CC2D2A: variants seen among roughly 807,000 people sequenced by gnomAD.
CC2D2A encodes the protein coiled-coil and C2 domain containing 2A.
CC2D2A carries 155 observed loss-of-function variants against 212.9 expected under a neutral mutation model. That is an observed-to-expected ratio of 0.73 (90% CI 0.64 to 0.83). The LOEUF (loss-of-function observed/expected upper bound fraction) is 0.83. Among genes scored for constraint, CC2D2A ranks in the 40% least tolerant of loss-of-function variants. The pLI is 0.00. For missense variants in CC2D2A, 1,856 were observed against 1,956.2 expected (o/e 0.95, Z 0.97); for synonymous variants, 667 against 686.5 (o/e 0.97, Z 0.44).
intron 8 of CC2D2A, among the ~76,000 whole-genome samples, chr4:15,511,853 A>G (rs763645727): frequency 2.6e-5 from 4 of 152,200 alleles, no homozygotes; most frequent in African/African-American, 9.7e-5. Context: ...AAATTCTGCA[A>G]CTGTGGGTGG....
chr4:15,519,564 G>A (rs759808135), intron 11 of CC2D2A: 1 of 444,362 alleles, frequency 2.3e-6, no homozygotes, highest in Non-Finnish European at 4.5e-6. Flanking sequence ...TGCTGATAAA[G>A]ACATACCCAA....
intron 17 of CC2D2A, among the ~76,000 whole-genome samples, chr4:15,547,956 A>G (rs544400056): frequency 6.6e-6 from 1 of 152,168 alleles, no homozygotes; most frequent in South Asian, 2.1e-4. Context: ...GGAGAATTGC[A>G]TGAACTCAGG....
intron 4 of CC2D2A, among the ~76,000 whole-genome samples, chr4:15,489,317 G>T (rs1273639192): frequency 6.6e-6 from 1 of 152,142 alleles, no homozygotes; most frequent in Admixed American, 6.5e-5. Context: ...GAGGGGAGCT[G>T]CCTGAAGGAG....
At chr4:15,580,231 GCCATTTTAATTA>G in intron 30 of CC2D2A, 60 bp downstream of exon 30, 1 of 1,259,782 alleles carries the variant, frequency 7.9e-7, no homozygotes. Flanking sequence ...TCAATATATT[GCCATTTTAATTA>G]CCATATTTCA....
Position 15,556,784 on chromosome 4 carries a change from T to C in CC2D2A, c.2626-520T>C, listed in dbSNP as rs370673067. ...ATGCACAGGGGCCTTGGAGGCTGGC[T>C]GGGCTGGATCCATCTCTGGCTAACT... On this transcript the variant is annotated intron_variant, in intron 20 of 36. Transcript: ENST00000424120. Among the ~76,000 whole-genome samples the C allele has an allele frequency of 1.3e-3, 201 of 152,322 alleles. 2 individuals are homozygous for C. Among genetic ancestry groups the C allele is most frequent in the African/African-American group, 4.6e-3 (191 of 41,574 alleles).
chr4:15,493,688 T>C (rs545727778), intron 4 of CC2D2A, among the ~76,000 whole-genome samples: 6 of 152,346 alleles, frequency 3.9e-5, no homozygotes, highest in South Asian at 2.1e-4. Context: ...CAGAACTTAT[T>C]TGTGGTCTAT....
intron 23 of CC2D2A, 44 bp downstream of exon 23, chr4:15,560,666 ATTAT>A: frequency 2.4e-6 from 2 of 827,512 alleles, no homozygotes; most frequent in Non-Finnish European, 3.8e-6. Flanking sequence ...TATAAAAATT[ATTAT>A]TTATACTCTA....
intron 4 of CC2D2A, among the ~76,000 whole-genome samples, chr4:15,496,304 C>T (rs1715609316): frequency 6.6e-6 from 1 of 152,062 alleles, no homozygotes; most frequent in Admixed American, 6.6e-5. Context: ...GAAGTCTTTG[C>T]CAGGGCCAGT....
chr4:15,530,999 C>G (rs1717820958), intron 13 of CC2D2A, among the ~76,000 whole-genome samples: 1 of 152,186 alleles, frequency 6.6e-6, no homozygotes, highest in South Asian at 2.1e-4. Flanking sequence ...TTTACTTAAC[C>G]TCTCTGTAGG....
Position 15,553,180 on chromosome 4 carries a change from T to C in CC2D2A, c.2361T>C (p.Ala787=). 1 of 1,604,168 alleles carries C rather than the reference T, an allele frequency of 6.2e-7. No individual in the cohort carries two copies. Among genetic ancestry groups the C allele is most frequent in the Non-Finnish European group, 8.5e-7 (1 of 1,176,546 alleles). ...CAGGAGTGCCCTTCTCATTTGAAGC[T>C]GATGGCAGTAACCAGCTGACTCTGA... ...VGSGVPFSFE[A]DGSNQLTLMT... Residue 787 remains alanine (A), a synonymous_variant, in exon 19 of 37, where the codon GCT becomes GCC. Coordinates refer to ENST00000424120, the MANE Select transcript of CC2D2A (RefSeq NM_001378615.1).
intron 34 of CC2D2A, among the ~76,000 whole-genome samples, chr4:15,596,930 C>T (rs910261176): frequency 6.6e-6 from 1 of 152,100 alleles, no homozygotes; most frequent in Non-Finnish European, 1.5e-5. Context: ...TTGTTGCTGC[C>T]ACTAAATATA....
intron 31 of CC2D2A, 25 bp downstream of exon 31, chr4:15,586,271 T>C: frequency 2.8e-6 from 4 of 1,441,848 alleles, no homozygotes; most frequent in Non-Finnish European, 3.8e-6. Context: ...TTCACAGATT[T>C]AGAAACTTGA....
intron 11 of CC2D2A, among the ~76,000 whole-genome samples, chr4:15,525,788 A>G (rs2109022602): frequency 6.6e-6 from 1 of 152,330 alleles, no homozygotes; most frequent in Non-Finnish European, 1.5e-5. Context: ...TTTCTCTCTA[A>G]TAGTATGGGA....
At chr4:15,480,634 T>C in intron 3 of CC2D2A, 70 bp from the exon 4 acceptor site, 4 of 1,520,860 alleles carry the variant, frequency 2.6e-6, no homozygotes, top group Non-Finnish European at 2.7e-6. Flanking sequence ...TGGTGACCCA[T>C]CTTCCCAAGA....
At chr4:15,594,477 G>T (rs1274338546) in intron 33 of CC2D2A, among the ~76,000 whole-genome samples, 2 of 152,098 alleles carry the variant, frequency 1.3e-5, no homozygotes, top group Non-Finnish European at 2.9e-5. Flanking sequence ...TCTCACAGTA[G>T]ATCTGTGGGT....
chr4:15,541,567 A>T, intron 17 of CC2D2A, among the ~76,000 whole-genome samples: 1 of 151,990 alleles, frequency 6.6e-6, no homozygotes, highest in Non-Finnish European at 1.5e-5. Flanking sequence ...CTGCCTTGAG[A>T]TGGGAGAGGG....
chr4:15,578,171 G>C (rs1471245595), intron 29 of CC2D2A, among the ~76,000 whole-genome samples: 1 of 152,176 alleles, frequency 6.6e-6, no homozygotes, highest in East Asian at 1.9e-4. Context: ...TTATTAGGTA[G>C]CTACTGTCTT....
rs73237160 is a variant in CC2D2A at position 15,537,830 on chromosome 4, A to G, written c.1765-69A>G. 0.042 allele frequency: 62,300 copies of G among 1,491,786 alleles called. 4,231 individuals carry two copies. The highest frequency in any genetic ancestry group is 0.26 in the Admixed American group (12,923 of 50,014). 92.4% of individuals were successfully genotyped at this position (1,491,786 alleles called of 1,614,324 possible). A position where few individuals can be genotyped will look rare whatever the true frequency, so the allele number is the denominator to read the frequency against. On this transcript the variant is annotated intron_variant, in intron 15 of 36. Coordinates refer to ENST00000424120, the MANE Select transcript of CC2D2A (RefSeq NM_001378615.1). ...GGTTTGTATCCAGGTCCATCTGGCT[A>G]TGAAGACTGTGCTCTTAAATGAAAT...
At chr4:15,575,762 T>C (rs777858477) in intron 29 of CC2D2A, among the ~76,000 whole-genome samples, 76 of 152,264 alleles carry the variant, frequency 5.0e-4, no homozygotes, top group Non-Finnish European at 5.0e-4. Context: ...TTTGTCTTCA[T>C]GTATAATATA....
Sources: allele counts gnomAD v4.1 joint callset (sites outside exome capture counted in the v4.1 genomes callset), GRCh38; gene constraint gnomAD v4.1.1; transcripts MANE v1.5; gene names NCBI Gene and HGNC (gene_info 2026-07-23, HGNC 2026-07-21).